Variants in PTH2R observed in about 807,000 individuals in gnomAD.
The protein encoded by PTH2R is PTH2 receptor.
PTH2R carries 59 observed loss-of-function variants against 60.3 expected under a neutral mutation model. That is an observed-to-expected ratio of 0.98 (90% CI 0.79 to 1.22). The LOEUF (loss-of-function observed/expected upper bound fraction) is 1.22, where lower values mean the gene tolerates loss of function less well. Ranked by LOEUF, PTH2R falls within the 50% of genes most tolerant of loss-of-function variation. PTH2R has a pLI of 0.00. For missense variants in PTH2R, 749 were observed against 682.6 expected (o/e 1.10, Z -1.08); for synonymous variants, 256 against 243.8 (o/e 1.05, Z -0.47).
chr2:208,428,363 C>A, intron 2 of PTH2R, 60 bp downstream of exon 2: 2 of 1,197,040 alleles, frequency 1.7e-6, no homozygotes, highest in Non-Finnish European at 1.2e-6. Flanking sequence ...ATAAAGATTG[C>A]ACATTTCCCT....
intron 8 of PTH2R, among the ~76,000 whole-genome samples, chr2:208,457,191 G>A (rs1450579085): frequency 6.6e-6 from 1 of 152,220 alleles, no homozygotes; most frequent in Non-Finnish European, 1.5e-5. Context: ...CATGATATAT[G>A]CCACCTTCCT....
At chr2:208,461,203 G>A (rs1047513780) in intron 9 of PTH2R, among the ~76,000 whole-genome samples, 4 of 151,970 alleles carry the variant, frequency 2.6e-5, no homozygotes, top group African/African-American at 4.8e-5. Context: ...CTCAAAAATC[G>A]ATTATGGATG....
chr2:208,418,905 T>C (rs1401349417), intron 1 of PTH2R, among the ~76,000 whole-genome samples: 2 of 152,194 alleles, frequency 1.3e-5, no homozygotes, highest in Non-Finnish European at 2.9e-5. Context: ...GGGCATTTAG[T>C]TTTTTCTATC....
Position 208,406,914 on chromosome 2 carries a change from G to C in PTH2R, c.-130G>C. 2.9e-6 allele frequency: 2 copies of C among 695,424 alleles called. No individual in the cohort carries two copies. Among genetic ancestry groups the C allele is most frequent in the African/African-American group, 1.8e-5 (1 of 54,682 alleles). The allele number at this position is 695,424 out of a possible 1,614,324, so 43.1% of individuals were successfully genotyped here. ...CCCAAGCACCCTCGGCCGGTGGCCC[G>C]GGCCCGACCACCCCAGCTGCGCGTC... is the stretch of plus-strand genomic sequence containing the variant. On this transcript the variant is annotated 5_prime_UTR_variant, in exon 1 of 13. Transcript: ENST00000272847.
chr2:208,437,423 G>T (rs1413832069), intron 2 of PTH2R, 114 bp from the exon 3 acceptor site: 1 of 725,810 alleles, frequency 1.4e-6, no homozygotes, highest in African/African-American at 1.8e-5. Flanking sequence ...CTACCAATTT[G>T]TTTTAATTTT....
chr2:208,398,163 C>G (rs1010142868), intron 1 of PTH2R, among the ~76,000 whole-genome samples: 3 of 152,106 alleles, frequency 2.0e-5, no homozygotes, highest in Non-Finnish European at 4.4e-5. Flanking sequence ...TCACCCTAGG[C>G]ATTTCATTAA....
At chr2:208,465,974 G>T (rs1361713869) in intron 9 of PTH2R, among the ~76,000 whole-genome samples, 1 of 151,906 alleles carries the variant, frequency 6.6e-6, no homozygotes, top group East Asian at 1.9e-4. Context: ...GCTGAAACTT[G>T]TTCAGCTGAA....
At chr2:208,421,384 G>GTT (rs1701753245) in intron 1 of PTH2R, among the ~76,000 whole-genome samples, 2 of 151,956 alleles carry the variant, frequency 1.3e-5, no homozygotes, top group African/African-American at 4.8e-5. Context: ...GTGTGTGTGT[G>GTT]TGTAGTGTCT....
intron 1 of PTH2R, among the ~76,000 whole-genome samples, chr2:208,398,676 A>C (rs1278622183): frequency 6.6e-6 from 1 of 152,214 alleles, no homozygotes; most frequent in Non-Finnish European, 1.5e-5. Flanking sequence ...AAACTGTTTA[A>C]AGTGATTTCT....
At chr2:208,417,976 A>G (rs1298521772) in intron 1 of PTH2R, among the ~76,000 whole-genome samples, 2 of 152,192 alleles carry the variant, frequency 1.3e-5, no homozygotes, top group Non-Finnish European at 2.9e-5. Context: ...CTATTTGCAG[A>G]TGTTAGCAAT....
intron 1 of PTH2R, among the ~76,000 whole-genome samples, chr2:208,363,492 T>C (rs750395675): frequency 6.6e-6 from 1 of 152,232 alleles, no homozygotes; most frequent in Non-Finnish European, 1.5e-5. Context: ...TGCATGTGTC[T>C]TTGTGGCAGA....
intron 1 of PTH2R, among the ~76,000 whole-genome samples, chr2:208,420,477 G>A (rs1701732970): frequency 6.6e-6 from 1 of 151,820 alleles, no homozygotes; most frequent in Non-Finnish European, 1.5e-5. Flanking sequence ...TAATGAAGTA[G>A]TCTTAATATA....
Position 208,444,788 on chromosome 2 carries a change from T to C in PTH2R, c.754T>C (p.Tyr252His), listed in dbSNP as rs759730458. 2.5e-6 allele frequency: 4 copies of C among 1,613,880 alleles called. No individual in the cohort carries two copies. Among genetic ancestry groups the C allele is most frequent in the Non-Finnish European group, 1.7e-6 (2 of 1,179,846 alleles). The stretch of plus-strand genomic sequence containing the variant: ...TATTTACTTCCTGGCTACAAATTAT[T>C]ATTGGATCCTGGTGGAAGGTCTCTA... ...MFIYFLATNYYWILVEGLYLH... is the reference protein window; with the variant it reads ...MFIYFLATNYHWILVEGLYLH... The change falls in exon 7 of 13, where the codon TAT (tyrosine) becomes CAT (histidine). Residue 252 changes from tyrosine (Y) to histidine (H), a missense_variant. Tyr to His is a moderately conservative substitution (Grantham distance 83). Coordinates refer to ENST00000272847, the MANE Select transcript of PTH2R (RefSeq NM_005048.4).
chr2:208,379,904 C>A (rs1213399796), intron 1 of PTH2R, among the ~76,000 whole-genome samples: 1 of 151,216 alleles, frequency 6.6e-6, no homozygotes, highest in Middle Eastern at 3.5e-3. Context: ...AGGTGTGTTA[C>A]ACAGAGAATT....
intron 10 of PTH2R, among the ~76,000 whole-genome samples, chr2:208,487,629 C>T (rs911891557): frequency 1.3e-5 from 2 of 152,188 alleles, no homozygotes; most frequent in Non-Finnish European, 2.9e-5. Context: ...TGCTATTTCC[C>T]AGTTTCTGTA....
chr2:208,477,180 G>T (rs1393174920), intron 9 of PTH2R, among the ~76,000 whole-genome samples: 1 of 152,124 alleles, frequency 6.6e-6, no homozygotes, highest in Admixed American at 6.5e-5. Flanking sequence ...GGAGAGAGTA[G>T]AGGAGAAGAT....
chr2:208,460,406 T>C (rs1702610902), intron 9 of PTH2R, among the ~76,000 whole-genome samples: 1 of 152,172 alleles, frequency 6.6e-6, no homozygotes, highest in South Asian at 2.1e-4. Context: ...CTAAATCTTT[T>C]ATTTGGCATA....
At chr2:208,371,660 ATTGT>A (rs994534467) in intron 1 of PTH2R, among the ~76,000 whole-genome samples, 2 of 152,170 alleles carry the variant, frequency 1.3e-5, no homozygotes, top group Non-Finnish European at 2.9e-5. Flanking sequence ...CAGGCATAAC[ATTGT>A]TTGTTAGGGT....
At chr2:208,400,791 A>G (rs1701293847) in intron 1 of PTH2R, among the ~76,000 whole-genome samples, 1 of 152,114 alleles carries the variant, frequency 6.6e-6, no homozygotes. Context: ...TTTATTGGAA[A>G]TGTGATTTAT....
Sources: allele counts gnomAD v4.1 joint callset (sites outside exome capture counted in the v4.1 genomes callset), GRCh38; gene constraint gnomAD v4.1.1; transcripts MANE v1.5; gene names NCBI Gene and HGNC (gene_info 2026-07-23, HGNC 2026-07-21).